EPM2A: variants seen among roughly 807,000 people sequenced by gnomAD.
EPM2A encodes the protein laforin.
Under a neutral mutation model 26.5 loss-of-function variants are expected in EPM2A, and 21 were observed. The observed-to-expected ratio is 0.79, with a 90% confidence interval of 0.56 to 1.14. The LOEUF is 1.14. Ranked by LOEUF, EPM2A falls within the 50% of genes most tolerant of loss-of-function variation. The pLI is 0.00. For missense variants in EPM2A, 458 were observed against 440.8 expected (o/e 1.04, Z -0.35); for synonymous variants, 217 against 177.6 (o/e 1.22, Z -1.76).
chr6:145,572,495 A>G (rs1780971966), intron 2 of EPM2A, among the ~76,000 whole-genome samples: 1 of 152,180 alleles, frequency 6.6e-6, no homozygotes, highest in Admixed American at 6.5e-5. Flanking sequence ...GATGGGTCAG[A>G]AAGCACTCAG....
intron 2 of EPM2A, among the ~76,000 whole-genome samples, chr6:145,548,263 C>A (rs1780611273): frequency 6.6e-6 from 1 of 152,106 alleles, no homozygotes; most frequent in South Asian, 2.1e-4. Flanking sequence ...AGCTTCCAAT[C>A]AAGAATTCAG....
intron 4 of EPM2A, among the ~76,000 whole-genome samples, chr6:145,447,355 A>G (rs1165951735): frequency 6.6e-6 from 1 of 152,116 alleles, no homozygotes; most frequent in Non-Finnish European, 1.5e-5. Flanking sequence ...AGTTCTAGTT[A>G]TTCCATATTT....
chr6:145,555,117 GAAT>G lies in EPM2A; in HGVS notation c.341-52545_341-52543del, dbSNP rs1302910970. Among the ~76,000 whole-genome samples the G allele has an allele frequency of 2.6e-5, 4 of 152,184 alleles. No individual in the cohort carries two copies. In the East Asian group the frequency reaches 5.8e-4, roughly 22 times the overall value. On this transcript the variant is annotated intron_variant, in intron 2 of 3. Transcript: ENST00000450221. Reference sequence around the variant, plus strand: ...GGCTCAGTTCTTCATCAGTAAATGGGAATAATAATATCTGCTTCACAGGATCCT... The same window carrying G: ...GGCTCAGTTCTTCATCAGTAAATGGGAATAATATCTGCTTCACAGGATCCT...
intron 2 of EPM2A, among the ~76,000 whole-genome samples, chr6:145,571,775 C>G (rs1484897640): frequency 6.6e-6 from 1 of 152,206 alleles, no homozygotes; most frequent in Non-Finnish European, 1.5e-5. Flanking sequence ...GCCACCATGG[C>G]CACTTTGTTC....
chr6:145,627,871 T>G, intron 3 of EPM2A, 178 bp from the exon 4 acceptor site: 1 of 842,072 alleles, frequency 1.2e-6, no homozygotes, highest in Non-Finnish European at 1.8e-6. Flanking sequence ...AATCTGCTAA[T>G]AGCAAAGTGG....
At chr6:145,675,789 T>C (rs1294852918) in intron 2 of EPM2A, among the ~76,000 whole-genome samples, 6 of 152,170 alleles carry the variant, frequency 3.9e-5, no homozygotes, top group South Asian at 2.1e-4. Flanking sequence ...AAGCAAGTCC[T>C]TAGAGACCTA....
intron 4 of EPM2A, among the ~76,000 whole-genome samples, chr6:145,440,376 G>C (rs1779046455): frequency 6.6e-6 from 1 of 152,182 alleles, no homozygotes; most frequent in Admixed American, 6.5e-5. Context: ...AATTATGGAA[G>C]CTGCAATTCA....
chr6:145,558,011 G>C (rs1055785835), intron 2 of EPM2A, among the ~76,000 whole-genome samples: 3 of 152,084 alleles, frequency 2.0e-5, no homozygotes, highest in Non-Finnish European at 4.4e-5. Flanking sequence ...ATATAAGTGA[G>C]ATCATGCAGT....
downstream of EPM2A, among the ~76,000 whole-genome samples, chr6:145,620,893 C>T (rs1053892017): frequency 2.6e-5 from 4 of 152,146 alleles, no homozygotes; most frequent in Non-Finnish European, 5.9e-5. Flanking sequence ...GAAATGATTA[C>T]CACAATCAAG....
intron 2 of EPM2A, among the ~76,000 whole-genome samples, chr6:145,530,067 C>T (rs1780332911): frequency 6.6e-6 from 1 of 152,196 alleles, no homozygotes; most frequent in African/African-American, 2.4e-5. Flanking sequence ...TCTGACTTCA[C>T]TTACTTAGCC....
intron 4 of EPM2A, among the ~76,000 whole-genome samples, chr6:145,433,278 C>T (rs1218979136): frequency 4.6e-5 from 7 of 152,176 alleles, no homozygotes. Context: ...GACATGCCTT[C>T]CTCACTAAAC....
intron 2 of EPM2A, among the ~76,000 whole-genome samples, chr6:145,538,466 A>T (rs367643): frequency 6.6e-6 from 1 of 151,544 alleles, no homozygotes; most frequent in Non-Finnish European, 1.5e-5. Context: ...TCTCCATCCA[A>T]TCTCTCCCTC....
At chr6:145,652,383 A>G (rs1314941834) in intron 2 of EPM2A, among the ~76,000 whole-genome samples, 1 of 152,164 alleles carries the variant, frequency 6.6e-6, no homozygotes, top group African/African-American at 2.4e-5. Context: ...GTTGAAAGGA[A>G]ATGCTGCAAC....
intron 4 of EPM2A, among the ~76,000 whole-genome samples, chr6:145,446,763 G>A (rs539450132): frequency 1.1e-4 from 16 of 151,868 alleles, no homozygotes; most frequent in Admixed American, 7.2e-4. Flanking sequence ...GCATAACTTT[G>A]GAGTCAACAA....
At chr6:145,644,450 A>C (rs1777311612) in intron 2 of EPM2A, among the ~76,000 whole-genome samples, 1 of 152,154 alleles carries the variant, frequency 6.6e-6, no homozygotes, top group South Asian at 2.1e-4. Flanking sequence ...AAAGCTGCAT[A>C]AGTTTTTTTT....
intron 2 of EPM2A, among the ~76,000 whole-genome samples, chr6:145,675,748 T>C (rs1583028362): frequency 6.6e-6 from 1 of 152,164 alleles, no homozygotes; most frequent in Admixed American, 6.5e-5. Flanking sequence ...TAAATATATA[T>C]GCACCCAATA....
intron 2 of EPM2A, among the ~76,000 whole-genome samples, chr6:145,675,735 T>C (rs563202412): frequency 2.0e-5 from 3 of 152,274 alleles, no homozygotes; most frequent in South Asian, 2.1e-4. Flanking sequence ...GAATTAACTA[T>C]CTTAAATATA....
chr6:145,677,961 G>C (rs1334114635), intron 2 of EPM2A, among the ~76,000 whole-genome samples: 1 of 152,140 alleles, frequency 6.6e-6, no homozygotes, highest in Non-Finnish European at 1.5e-5. Context: ...AAAAGAGCCT[G>C]CATTGCCATG....
intron 2 of EPM2A, among the ~76,000 whole-genome samples, chr6:145,653,214 A>G (rs2128580110): frequency 6.6e-6 from 1 of 152,256 alleles, no homozygotes; most frequent in East Asian, 1.9e-4. Context: ...GTATTGATGG[A>G]GGAAGGTGAT....
Sources: gnomAD v4.1 joint callset for allele counts (sites outside exome capture counted in the v4.1 genomes callset) on GRCh38, gnomAD v4.1.1 for gene constraint, MANE v1.5 for transcripts, NCBI Gene and HGNC (gene_info 2026-07-23, HGNC 2026-07-21) for gene names.